ADAMTS2: variants seen among roughly 807,000 people sequenced by gnomAD.
ADAMTS2 encodes A disintegrin and metalloproteinase with thrombospondin motifs 2.
Under a neutral mutation model 123.0 loss-of-function variants are expected in ADAMTS2, and 50 were observed. The observed-to-expected ratio is 0.41, with a 90% confidence interval of 0.32 to 0.51. The LOEUF (loss-of-function observed/expected upper bound fraction) is 0.51, where lower values mean the gene tolerates loss of function less well. ADAMTS2 is among the 20% of genes least tolerant of loss of function. ADAMTS2 has a pLI of 0.35. For missense variants in ADAMTS2, 1,494 were observed against 1,705.2 expected, an observed-to-expected ratio of 0.88 and a Z score of 2.18; for synonymous variants, 678 against 695.4, an observed-to-expected ratio of 0.98 and a Z score of 0.39.
intron 3 of ADAMTS2, among the ~76,000 whole-genome samples, chr5:179,243,403 A>G (rs1410470920): frequency 6.6e-6 from 1 of 152,224 alleles, no homozygotes; most frequent in Non-Finnish European, 1.5e-5. Context: ...GGACAGTCAT[A>G]GGGAGCCCTG....
At chr5:179,319,311 T>C (rs1479452715) in intron 2 of ADAMTS2, among the ~76,000 whole-genome samples, 1 of 152,200 alleles carries the variant, frequency 6.6e-6, no homozygotes, top group Non-Finnish European at 1.5e-5. Flanking sequence ...GCCCCATGCA[T>C]GTGCATGGCA....
At chr5:179,149,410 G>A (rs116150849) in intron 10 of ADAMTS2, among the ~76,000 whole-genome samples, 1,673 of 152,330 alleles carry the variant, frequency 0.011, 35 homozygotes, top group African/African-American at 0.037. Context: ...CCCAGTCTGC[G>A]GTATTTCTGT....
intron 5 of ADAMTS2, among the ~76,000 whole-genome samples, chr5:179,159,744 TAA>T (rs1384931968): frequency 7.9e-5 from 12 of 152,190 alleles, no homozygotes; most frequent in African/African-American, 2.9e-4. Context: ...TCAGAGAAGT[TAA>T]GAAGCTTGCC....
chr5:179,335,731 C>A (rs573981585), intron 2 of ADAMTS2, among the ~76,000 whole-genome samples: 1 of 152,306 alleles, frequency 6.6e-6, no homozygotes, highest in East Asian at 1.9e-4. Context: ...TCAGAATGGC[C>A]ACTAGCAAGC....
At chr5:179,209,986 A>G (rs1451361163) in intron 3 of ADAMTS2, among the ~76,000 whole-genome samples, 1 of 152,210 alleles carries the variant, frequency 6.6e-6, no homozygotes, top group Non-Finnish European at 1.5e-5. Flanking sequence ...AAACCAGACC[A>G]CAGAGGCACT....
chr5:179,290,005 A>T (rs1018310373), intron 2 of ADAMTS2, among the ~76,000 whole-genome samples: 1 of 152,250 alleles, frequency 6.6e-6, no homozygotes, highest in African/African-American at 2.4e-5. Flanking sequence ...CCTGAACCAG[A>T]CAACCGACAT....
Position 179,273,044 on chromosome 5 carries a change from C to G in ADAMTS2, c.555G>C (p.Glu185Asp), listed in dbSNP as rs1355953711. 6 of 1,613,510 alleles carry G rather than the reference C, an allele frequency of 3.7e-6. No individual in the cohort carries two copies. The highest frequency in any genetic ancestry group is 5.1e-6 in the Non-Finnish European group (6 of 1,180,058). ...AGGGTTCGATGAAGAACTCCTCCTC[C>G]TCCATCCGGATCAGACCAGCCTGCG... is the stretch of plus-strand genomic sequence containing the variant. ...CDGLAGLIRM[E>D]EEEFFIEPLE... The change falls in exon 3 of 22, where the codon GAG (glutamate) becomes GAC (aspartate). Residue 185 changes from glutamate to aspartate, a missense_variant. This residue lies in a region of ADAMTS2 where 184 missense variants were observed against 152.1 expected (regional missense o/e 1.21). Transcript: ENST00000251582.
At chr5:179,165,046 C>T (rs1444174891) in intron 5 of ADAMTS2, among the ~76,000 whole-genome samples, 2 of 152,220 alleles carry the variant, frequency 1.3e-5, no homozygotes, top group East Asian at 3.8e-4. Context: ...TGGAGGCAGT[C>T]GGAACCCAAG....
Position 179,328,134 on chromosome 5 carries a change from G to A in ADAMTS2, c.534+15633C>T, listed in dbSNP as rs868415797. 4.9e-4 allele frequency among the ~76,000 whole-genome samples: 75 copies of A among 152,330 alleles called. No individual in the cohort carries two copies. The Middle Eastern group carries it at 0.014, about 28-fold the overall frequency. The stretch of plus-strand genomic sequence containing the variant: ...TGCAGGCTCCGCCTCCCGGGTTCAC[G>A]CCATTCTCCTGCCTCAGCCTCCCGA... On this transcript the variant is annotated intron_variant, in intron 2 of 21. Coordinates refer to ENST00000251582, the MANE Select transcript of ADAMTS2 (RefSeq NM_014244.5).
intron 3 of ADAMTS2, among the ~76,000 whole-genome samples, chr5:179,241,224 G>A (rs1007372796): frequency 6.6e-6 from 1 of 152,224 alleles, no homozygotes; most frequent in African/African-American, 2.4e-5. Flanking sequence ...GAGGAACAAA[G>A]CCTTGTCACT....
In ADAMTS2 at chr5:179,158,737, G is replaced by A; in HGVS notation, c.1118C>T (p.Pro373Leu). Residue 373 changes from proline (P) to leucine (L), a missense_variant, in exon 6 of 22, where the codon CCT becomes CTT. Pro to Leu is a moderately conservative substitution (Grantham distance 98, BLOSUM62 -3). Transcript: ENST00000251582. This position sits in a 1 kb window ranked among gnomAD's most constrained non-coding sequence, Gnocchi z 5.0. ...GTGAGGCTCACCTTGCATGCCGGAA[G>A]GCCCAAAGTCCTGCCGTGTGAGGAA... ...AIFLTRQDFG[P>L]SGMQGYAPVT... The A allele has an allele frequency of 6.2e-7, 1 of 1,614,210 alleles. No individual in the cohort carries two copies. The highest frequency in any genetic ancestry group is 8.5e-7 in the Non-Finnish European group (1 of 1,180,050).
chr5:179,323,153 G>T (rs181941238), intron 2 of ADAMTS2, among the ~76,000 whole-genome samples: 121 of 152,350 alleles, frequency 7.9e-4, no homozygotes, highest in African/African-American at 2.8e-3. Flanking sequence ...GGCAGGCACC[G>T]AGCCAGCCAG....
intron 2 of ADAMTS2, among the ~76,000 whole-genome samples, chr5:179,341,823 C>G (rs1269229598): frequency 1.3e-5 from 2 of 152,216 alleles, no homozygotes; most frequent in Non-Finnish European, 2.9e-5. Context: ...AGCTCCTCTT[C>G]CAACCCCAAT....
At chr5:179,329,126 G>C (rs191600877) in intron 2 of ADAMTS2, among the ~76,000 whole-genome samples, 45 of 152,196 alleles carry the variant, frequency 3.0e-4, no homozygotes, top group Admixed American at 5.9e-4. Context: ...AGGAGATGGA[G>C]ACCATCCTGG....
At chr5:179,264,475 G>A (rs1284943812) in intron 3 of ADAMTS2, among the ~76,000 whole-genome samples, 1 of 138,984 alleles carries the variant, frequency 7.2e-6, no homozygotes, top group Non-Finnish European at 1.6e-5. Flanking sequence ...TGAAAAGAGG[G>A]GGCATGCCCA....
intron 4 of ADAMTS2, among the ~76,000 whole-genome samples, chr5:179,206,984 C>G (rs1437085749): frequency 6.6e-6 from 1 of 152,160 alleles, no homozygotes; most frequent in Non-Finnish European, 1.5e-5. Flanking sequence ...AGGAGGGGCC[C>G]TGGGTTGGTG....
rs1445972675 is a variant in ADAMTS2, at chr5:179,130,179, G to T, written c.2291-81C>A. The T allele has an allele frequency of 1.3e-6, 2 of 1,570,734 alleles. No homozygotes were observed. Among genetic ancestry groups the T allele is most frequent in the African/African-American group, 2.7e-5 (2 of 74,258 alleles). Reference sequence around the variant, plus strand: ...CCCACTGGTTTGGGCTGGTCGGGGAGTGGGGGCAGCTAGCTGGACCCCTTG... The same window carrying T: ...CCCACTGGTTTGGGCTGGTCGGGGATTGGGGGCAGCTAGCTGGACCCCTTG... On this transcript the variant is annotated intron_variant, in intron 15 of 21. Coordinates refer to ENST00000251582, the MANE Select transcript of ADAMTS2 (RefSeq NM_014244.5). The surrounding 1 kb of genome is among the most constrained non-coding windows in gnomAD (Gnocchi z 4.3).
In ADAMTS2 at chr5:179,158,875, A is replaced by C. The variant is rs757195765; in HGVS notation, c.980T>G (p.Met327Arg). ...GGGGTTCCCGATCTCGATGAGGCTC[A>C]TGGACTGCAGGGGGATGGAGAGAAA... The part of the protein sequence containing the change: ...RIILLSYGKS[M>R]SLIEIGNPSQ... Residue 327 changes from methionine to arginine, a missense_variant, in exon 6 of 22, where the codon ATG becomes AGG. By Grantham distance (91) the Met-to-Arg change is moderately conservative. Coordinates refer to ENST00000251582, the MANE Select transcript of ADAMTS2 (RefSeq NM_014244.5). This position sits in a 1 kb window ranked among gnomAD's most constrained non-coding sequence, Gnocchi z 5.0. 6 of 1,614,064 alleles carry C rather than the reference A, an allele frequency of 3.7e-6. No homozygotes were observed. In the South Asian group the frequency reaches 6.6e-5, roughly 18 times the overall value.
chr5:179,227,314 G>C (rs1166022146), intron 3 of ADAMTS2, among the ~76,000 whole-genome samples: 1 of 152,228 alleles, frequency 6.6e-6, no homozygotes, highest in Non-Finnish European at 1.5e-5. Flanking sequence ...GCACATGCAG[G>C]AGAGGCCAGG....
Sources: allele counts gnomAD v4.1 joint callset (sites outside exome capture counted in the v4.1 genomes callset), GRCh38; gene constraint gnomAD v4.1.1; regional missense constraint gnomAD v4.1.1; non-coding constraint Gnocchi (gnomAD v3.1); transcripts MANE v1.5; gene names NCBI Gene and HGNC (gene_info 2026-07-23, HGNC 2026-07-21).